Variants in BTBD8 observed in about 807,000 individuals in gnomAD.
BTBD8 encodes BTB/POZ domain-containing protein 8.
A neutral mutation model predicts 162.9 loss-of-function variants in BTBD8; 110 were observed. The ratio of observed to expected loss-of-function variants is 0.68; its 90% confidence interval spans 0.58 to 0.79. BTBD8 has a LOEUF of 0.79. Among genes scored for constraint, BTBD8 ranks in the 30% least tolerant of loss-of-function variants. BTBD8 has a pLI of 0.00. For missense variants in BTBD8, 1,905 were observed against 2,085.4 expected, an observed-to-expected ratio of 0.91 and a Z score of 1.68; for synonymous variants, 667 against 716.1, an observed-to-expected ratio of 0.93 and a Z score of 1.10.
Position 92,080,719 on chromosome 1 carries a change from A to T in BTBD8, c.148A>T (p.Arg50Trp). The change falls in exon 1 of 18, where the codon AGG (arginine) becomes TGG (tryptophan). Residue 50 changes from arginine to tryptophan, a missense_variant and splice_region_variant. Arg to Trp is a moderately radical substitution (Grantham distance 101). Transcript: ENST00000636805. ...GGAGCAGCTCAGCCAGGATTTGCTC[A>T]GGTAGGAGGAGGCGGGAACTCTGGC... ...VSEQLSQDLL[R>W]LLREEFHTDV... 1 of 1,608,054 alleles carries T rather than the reference A, an allele frequency of 6.2e-7. No individual in the cohort carries two copies. The highest frequency in any genetic ancestry group is 1.1e-5 in the South Asian group (1 of 89,972).
At chr1:92,166,898 A>G in intron 9 of BTBD8, 60 bp from the exon 10 acceptor site, 1 of 1,451,934 alleles carries the variant, frequency 6.9e-7, no homozygotes, top group Non-Finnish European at 9.2e-7. Context: ...TGATTTGCTT[A>G]GAGAGTTATT....
intron 4 of BTBD8, among the ~76,000 whole-genome samples, chr1:92,118,951 A>C (rs1340715625): frequency 1.3e-5 from 2 of 151,220 alleles, no homozygotes; most frequent in South Asian, 2.1e-4. Flanking sequence ...GCACTGAAAG[A>C]TATATCTGGT....
At chr1:92,161,931 A>C (rs929808473) in intron 9 of BTBD8, among the ~76,000 whole-genome samples, 5 of 152,188 alleles carry the variant, frequency 3.3e-5, no homozygotes, top group African/African-American at 1.2e-4. Context: ...CTTATTACAT[A>C]TGATGTACTG....
chr1:92,087,379 G>C (rs1250570815), intron 1 of BTBD8, among the ~76,000 whole-genome samples: 1 of 152,100 alleles, frequency 6.6e-6, no homozygotes, highest in Admixed American at 6.5e-5. Context: ...TAAAGTTTGA[G>C]AGTCCAACAC....
intron 2 of BTBD8, among the ~76,000 whole-genome samples, chr1:92,099,215 G>C (rs2101900514): frequency 6.6e-6 from 1 of 152,242 alleles, no homozygotes; most frequent in South Asian, 2.1e-4. Context: ...ATAAATGTAT[G>C]TTCTAGACTC....
chr1:92,174,380 G>A (rs1650642199), intron 13 of BTBD8, among the ~76,000 whole-genome samples: 7 of 151,970 alleles, frequency 4.6e-5, no homozygotes, highest in Admixed American at 3.3e-4. Context: ...TTGTAGAGGC[G>A]GGGTTTTGCC....
In BTBD8 at chr1:92,163,227, C is replaced by T. The variant is rs1448771746; in HGVS notation, c.1123-3731C>T. ...AAAATTATCCGGGTGTGGTGGCAGGCACCTGTAATCCCAGCTACTTGGGAG... is the reference window on the plus strand; with the variant it reads ...AAAATTATCCGGGTGTGGTGGCAGGTACCTGTAATCCCAGCTACTTGGGAG... On this transcript the variant is annotated intron_variant, in intron 9 of 17. Coordinates refer to ENST00000636805, the MANE Select transcript of BTBD8 (RefSeq NM_001376131.1). 5.3e-5 allele frequency among the ~76,000 whole-genome samples: 8 copies of T among 151,656 alleles called. No individual in the cohort carries two copies. The East Asian group carries it at 1.6e-3, about 30-fold the overall frequency.
intron 1 of BTBD8, among the ~76,000 whole-genome samples, chr1:92,083,677 C>T (rs1317769848): frequency 6.6e-6 from 1 of 151,898 alleles, no homozygotes; most frequent in South Asian, 2.1e-4. Flanking sequence ...GGAGAACCAT[C>T]GGTGTTTTTA....
chr1:92,137,793 G>A (rs1427051073), intron 5 of BTBD8, among the ~76,000 whole-genome samples: 1 of 152,062 alleles, frequency 6.6e-6, no homozygotes, highest in Non-Finnish European at 1.5e-5. Flanking sequence ...TGATGCCTAA[G>A]TCTAAACACA....
intron 2 of BTBD8, among the ~76,000 whole-genome samples, chr1:92,098,021 A>G (rs1361887921): frequency 1.3e-5 from 2 of 152,174 alleles, no homozygotes; most frequent in East Asian, 1.9e-4. Context: ...CAGAAGCTCA[A>G]TGCCCAGGTT....
intron 3 of BTBD8, among the ~76,000 whole-genome samples, chr1:92,105,454 C>T (rs1165011481): frequency 2.0e-5 from 3 of 151,892 alleles, no homozygotes; most frequent in East Asian, 3.9e-4. Flanking sequence ...GGTTTCCCTG[C>T]GTTGCCCAGG....
At chr1:92,092,966 T>C (rs1648354463) in intron 2 of BTBD8, among the ~76,000 whole-genome samples, 1 of 152,198 alleles carries the variant, frequency 6.6e-6, no homozygotes, top group Non-Finnish European at 1.5e-5. Flanking sequence ...CATTTTATGC[T>C]TTAGCAGTTT....
At chr1:92,134,199 T>C (rs2101934058) in intron 5 of BTBD8, among the ~76,000 whole-genome samples, 1 of 152,332 alleles carries the variant, frequency 6.6e-6, no homozygotes, top group South Asian at 2.1e-4. Flanking sequence ...GGAGCATAAA[T>C]TTGGATTTTC....
intron 9 of BTBD8, among the ~76,000 whole-genome samples, chr1:92,162,354 G>A (rs1410643921): frequency 6.6e-6 from 1 of 152,206 alleles, no homozygotes; most frequent in Non-Finnish European, 1.5e-5. Context: ...ATCCCTGAGG[G>A]CAAGCCTTGA....
At chr1:92,177,923 C>T (rs767000893) in intron 15 of BTBD8, 25 bp downstream of exon 15, 18 of 1,204,460 alleles carry the variant, frequency 1.5e-5, no homozygotes, top group African/African-American at 3.1e-5. Context: ...AGTGTTTTAA[C>T]CTATCTGTTA....
At chr1:92,125,557 C>A in intron 4 of BTBD8, 1 of 277,610 alleles carries the variant, frequency 3.6e-6, no homozygotes, top group Non-Finnish European at 7.2e-6. Flanking sequence ...CTCTCCTCCT[C>A]CACCCAACCC....
At chr1:92,178,281 T>C (rs1348047325) in intron 15 of BTBD8, 31 bp from the exon 16 acceptor site, 1 of 1,527,868 alleles carries the variant, frequency 6.5e-7, no homozygotes, top group South Asian at 1.2e-5. Flanking sequence ...GGAATCTAAG[T>C]GTAATACTGA....
intron 9 of BTBD8, among the ~76,000 whole-genome samples, chr1:92,151,265 A>G (rs942530317): frequency 6.6e-6 from 1 of 151,942 alleles, no homozygotes; most frequent in African/African-American, 2.4e-5. Flanking sequence ...GAGGCAGGAG[A>G]ATCACTTGAA....
chr1:92,161,634 T>A (rs143105156), intron 9 of BTBD8, among the ~76,000 whole-genome samples: 1,627 of 152,326 alleles, frequency 0.011, 20 homozygotes, highest in Non-Finnish European at 0.013. Context: ...TTCATTTATT[T>A]AAGAGAAGTG....
Sources: allele counts gnomAD v4.1 joint callset (sites outside exome capture counted in the v4.1 genomes callset), GRCh38; gene constraint gnomAD v4.1.1; transcripts MANE v1.5; gene names NCBI Gene and HGNC (gene_info 2026-07-23, HGNC 2026-07-21).